The following KATNIP variants were observed in gnomAD, a reference collection of about 807,000 sequenced individuals.
The protein encoded by KATNIP is katanin interacting protein.
A neutral mutation model predicts 174.0 loss-of-function variants in KATNIP; 126 were observed. That is an observed-to-expected ratio of 0.72 (90% CI 0.63 to 0.84). KATNIP has a LOEUF of 0.84. Ranked by LOEUF, KATNIP falls within the 40% of genes least tolerant of loss-of-function variation. The pLI, the probability that KATNIP is intolerant of heterozygous loss-of-function variation, is 0.00. For missense variants in KATNIP, 1,958 were observed against 2,109.7 expected, an observed-to-expected ratio of 0.93 and a Z score of 1.41; for synonymous variants, 810 against 835.7, an observed-to-expected ratio of 0.97 and a Z score of 0.53.
intron 1 of KATNIP, among the ~76,000 whole-genome samples, chr16:27,569,447 A>G (rs1400469247): frequency 6.6e-6 from 1 of 152,252 alleles, no homozygotes; most frequent in East Asian, 1.9e-4. Context: ...AAAGTGAAGT[A>G]TATTGGCCTT....
At chr16:27,564,225 T>C (rs2090001216) in intron 1 of KATNIP, among the ~76,000 whole-genome samples, 1 of 152,224 alleles carries the variant, frequency 6.6e-6, no homozygotes, top group South Asian at 2.1e-4. Flanking sequence ...TAATAACTGC[T>C]AAGTACCTAC....
intron 3 of KATNIP, among the ~76,000 whole-genome samples, chr16:27,628,243 A>G (rs1039904506): frequency 1.3e-4 from 20 of 152,034 alleles, no homozygotes; most frequent in African/African-American, 4.6e-4. Context: ...GAGCCTAAAA[A>G]CCCCTTTTTG....
chr16:27,573,974 G>A lies in KATNIP; in HGVS notation c.63+18G>A, dbSNP rs373203273. 53 of 1,611,976 alleles carry A rather than the reference G, an allele frequency of 3.3e-5. No individual in the cohort carries two copies. The highest frequency in any genetic ancestry group is 4.2e-5 in the Non-Finnish European group (50 of 1,178,282). On this transcript the variant is annotated intron_variant, in intron 2 of 27. Transcript: ENST00000261588. The stretch of plus-strand genomic sequence containing the variant: ...AAAAGGAGGTAAATGTGTCCCTGGC[G>A]AGGGCTGATGGGAGGCAACTCTATT...
intron 18 of KATNIP, 200 bp downstream of exon 18, chr16:27,754,451 G>C (rs2081640193): frequency 3.4e-6 from 2 of 579,922 alleles, no homozygotes; most frequent in East Asian, 5.9e-5. Context: ...CCTCACTCCA[G>C]AGGAGGGGCA....
intron 2 of KATNIP, among the ~76,000 whole-genome samples, chr16:27,574,558 CTTTTTTTTTTT>C (rs10708223): frequency 1.9e-5 from 1 of 53,486 alleles, no homozygotes; most frequent in African/African-American, 7.7e-5. Flanking sequence ...ACTTTCTATT[CTTTTTTTTTTT>C]TTTTTTTTTT....
rs1253907290 is a variant in KATNIP, at chr16:27,750,268, A to C, written c.3308A>C (p.Glu1103Ala). ...CTGTTAGACACCCAGTGCATCTTTG[A>C]AGGAGAAATCGCCAAGGCCTCTGGA... ...TMLLDTQCIFEGEIAKASGTL... is the reference protein window; with the variant it reads ...TMLLDTQCIFAGEIAKASGTL... The change falls in exon 16 of 28, where the codon GAA becomes GCA. Residue 1103 changes from glutamate to alanine, a missense_variant. Glu to Ala is a moderately radical substitution (Grantham distance 107, BLOSUM62 -1). Transcript: ENST00000261588. The C allele has an allele frequency of 1.2e-6, 2 of 1,613,762 alleles. No homozygotes were observed. The highest frequency in any genetic ancestry group is 1.7e-6 in the Non-Finnish European group (2 of 1,179,776).
At chr16:27,660,115 GC>G in intron 6 of KATNIP, 3 of 600,088 alleles carry the variant, frequency 5.0e-6, no homozygotes, top group Non-Finnish European at 6.3e-6. Flanking sequence ...ACATTCTGGG[GC>G]CTTGGCTAAG....
chr16:27,766,399 C>T lies in KATNIP; in HGVS notation c.3900C>T (p.Arg1300=). 6.2e-7 allele frequency: 1 copy of T among 1,614,174 alleles called. No individual in the cohort carries two copies. The highest frequency in any genetic ancestry group is 1.1e-5 in the South Asian group (1 of 91,092). ...SPGLDHVVTI[R]LDRAESIAGL... ...GGCTGGACCATGTGGTCACGATCCG[C>T]CTGGACAGGGCCGAAAGCATCGCAG... The change falls in exon 20 of 28, where the codon CGC becomes CGT. Residue 1300 remains arginine (R), a synonymous_variant. Coordinates refer to ENST00000261588, the MANE Select transcript of KATNIP (RefSeq NM_015202.5).
Position 27,750,202 on chromosome 16 carries a change from C to G in KATNIP, c.3242C>G (p.Ser1081Cys). Residue 1081 changes from serine to cysteine, a missense_variant, in exon 16 of 28, where the codon TCT becomes TGT. Coordinates refer to ENST00000261588, the MANE Select transcript of KATNIP (RefSeq NM_015202.5). ...ALIRIWNYNK[S>C]RIHSFRGVKD... is the part of the protein sequence containing the mutation. ...ATCAGAATTTGGAACTACAATAAAT[C>G]TCGGATACATTCCTTCCGAGGCGTG... 1 of 1,614,114 alleles carries G rather than the reference C, an allele frequency of 6.2e-7. No homozygotes were observed.
At chr16:27,649,473 G>A (rs2077057672) in intron 6 of KATNIP, among the ~76,000 whole-genome samples, 1 of 152,220 alleles carries the variant, frequency 6.6e-6, no homozygotes, top group Admixed American at 6.5e-5. Flanking sequence ...AAACTGAAGA[G>A]GTGCCTATAC....
chr16:27,747,469 G>T (rs894607448), intron 15 of KATNIP, among the ~76,000 whole-genome samples: 2 of 152,162 alleles, frequency 1.3e-5, no homozygotes, highest in Admixed American at 6.5e-5. Context: ...CGTGTTCTCG[G>T]TGTTGGCTTC....
chr16:27,578,573 G>T (rs185097765), intron 2 of KATNIP, among the ~76,000 whole-genome samples: 2 of 152,042 alleles, frequency 1.3e-5, no homozygotes, highest in Non-Finnish European at 2.9e-5. Flanking sequence ...CATTGGAAAG[G>T]TTACGGTCAT....
intron 2 of KATNIP, among the ~76,000 whole-genome samples, chr16:27,613,623 C>T (rs1004456272): frequency 6.6e-6 from 1 of 152,156 alleles, no homozygotes; most frequent in Admixed American, 6.5e-5. Flanking sequence ...GGGAGGGTTT[C>T]CTTGTGTCTT....
chr16:27,554,058 G>A (rs1217438196), intron 1 of KATNIP, among the ~76,000 whole-genome samples: 1 of 151,596 alleles, frequency 6.6e-6, no homozygotes, highest in East Asian at 2.0e-4. Flanking sequence ...AGGGAGGGAT[G>A]GAAGAAGGGA....
chr16:27,681,625 C>A, intron 8 of KATNIP, 95 bp downstream of exon 8: 2 of 1,404,672 alleles, frequency 1.4e-6, no homozygotes, highest in East Asian at 2.3e-5. Context: ...CATTACCCTC[C>A]TTGCAGAGGG....
intron 27 of KATNIP, 31 bp from the exon 28 acceptor site, chr16:27,778,543 A>T: frequency 6.2e-7 from 1 of 1,610,002 alleles, no homozygotes; most frequent in Non-Finnish European, 8.5e-7. Context: ...AGACTTAGTA[A>T]CTCTGGTCCC....
In KATNIP at chr16:27,777,628, C is replaced by T. The variant is rs1567439949; in HGVS notation, c.4570C>T (p.Leu1524Phe). ...KEFGLLVDDL[L>F]VYNGILAMVS... The stretch of plus-strand genomic sequence containing the variant: ...CCTGCAGCTCCTGGTGGACGACCTG[C>T]TTGTGTACAATGGGATCCTGGCCAT... Residue 1524 changes from leucine (L) to phenylalanine (F), a missense_variant, in exon 26 of 28, where the codon CTT (leucine) becomes TTT (phenylalanine). This residue lies in a region of KATNIP where 383 missense variants were observed against 456.0 expected (regional missense o/e 0.84). Transcript: ENST00000261588. The surrounding 1 kb of genome is among the most constrained non-coding windows in gnomAD (Gnocchi z 4.4). 6.2e-7 allele frequency: 1 copy of T among 1,612,054 alleles called. No homozygotes were observed. The highest frequency in any genetic ancestry group is 1.1e-5 in the South Asian group (1 of 90,660).
intron 2 of KATNIP, among the ~76,000 whole-genome samples, chr16:27,611,504 A>ACAG (rs1246002997): frequency 1.3e-5 from 2 of 152,234 alleles, no homozygotes; most frequent in Admixed American, 1.3e-4. Context: ...ATAGAGCTGG[A>ACAG]CAGCGGTGAA....
chr16:27,701,430 A>G (rs540004501), intron 10 of KATNIP, 159 bp from the exon 11 acceptor site: 3 of 606,344 alleles, frequency 4.9e-6, no homozygotes, highest in Non-Finnish European at 9.1e-6. Context: ...GGTTCTAGAT[A>G]GAAGCTCCAG....
Sources: gnomAD v4.1 joint callset for allele counts (sites outside exome capture counted in the v4.1 genomes callset) on GRCh38, gnomAD v4.1.1 for gene constraint, gnomAD v4.1.1 regional missense constraint, Gnocchi (gnomAD v3.1) non-coding constraint, MANE v1.5 for transcripts, NCBI Gene and HGNC (gene_info 2026-07-23, HGNC 2026-07-21) for gene names.